The following OC90 variants were observed in gnomAD, a reference collection of about 807,000 sequenced individuals.
OC90 encodes otoconin 90.
OC90 carries 46 observed loss-of-function variants against 47.3 expected under a neutral mutation model. The ratio of observed to expected loss-of-function variants is 0.97; its 90% CI spans 0.77 to 1.24. The LOEUF (loss-of-function observed/expected upper bound fraction) is 1.24. Among genes scored for constraint, OC90 ranks in the 50% most tolerant of loss-of-function variants. The probability of loss-of-function intolerance (pLI) is 0.00; values close to 1 mark genes in which losing one functional copy is unlikely to be tolerated. For missense variants in OC90, 688 were observed against 583.9 expected (o/e 1.18, Z -1.84); for synonymous variants, 271 against 219.5 (o/e 1.23, Z -2.07).
intron 4 of OC90, among the ~76,000 whole-genome samples, chr8:132,043,093 G>T (rs1351791339): frequency 6.6e-6 from 1 of 152,226 alleles, no homozygotes; most frequent in South Asian, 2.1e-4. Flanking sequence ...TTAGTTCACT[G>T]AATGGATCCC....
chr8:132,025,276 G>C (rs1247443142), intron 13 of OC90, among the ~76,000 whole-genome samples: 2 of 152,212 alleles, frequency 1.3e-5, no homozygotes, highest in African/African-American at 4.8e-5. Context: ...AAGGCAGCTG[G>C]CAACAGAGAT....
intron 8 of OC90, among the ~76,000 whole-genome samples, chr8:132,037,799 C>G (rs870715): frequency 6.6e-6 from 1 of 152,158 alleles, no homozygotes; most frequent in African/African-American, 2.4e-5. Flanking sequence ...GAGGAGACCT[C>G]TGTTCCAAAG....
At chr8:132,039,172 C>T (rs531020891) in intron 6 of OC90, 49 bp from the exon 7 acceptor site, 43 of 1,554,626 alleles carry the variant, frequency 2.8e-5, no homozygotes, top group Middle Eastern at 1.7e-4. Context: ...AGCTGGAATC[C>T]CAAGAGGTAA....
intron 10 of OC90, among the ~76,000 whole-genome samples, chr8:132,033,808 C>A (rs111444078): frequency 1.3e-5 from 2 of 152,260 alleles, no homozygotes; most frequent in South Asian, 4.1e-4. Context: ...CATGCACAGG[C>A]CAAATCTCCA....
intron 10 of OC90, 79 bp from the exon 11 acceptor site, chr8:132,033,243 A>G: frequency 7.3e-7 from 1 of 1,373,272 alleles, no homozygotes; most frequent in East Asian, 2.4e-5. Flanking sequence ...CGAAAGCCAA[A>G]TGCAAACAGA....
intron 9 of OC90, chr8:132,036,293 G>A: frequency 2.6e-6 from 2 of 776,594 alleles, no homozygotes; most frequent in Non-Finnish European, 4.8e-6. Context: ...TCACAGGACT[G>A]AGCACAGATT....
At chr8:132,039,210 C>T in intron 6 of OC90, 87 bp from the exon 7 acceptor site, 6 of 1,415,628 alleles carry the variant, frequency 4.2e-6, no homozygotes, top group Admixed American at 2.0e-5. Context: ...AGTTCCTCAT[C>T]TCCCCTGCCA....
chr8:132,039,304 C>T (rs2102103), intron 6 of OC90, among the ~76,000 whole-genome samples, 181 bp from the exon 7 acceptor site: 53,082 of 151,856 alleles, frequency 0.35, 9,948 homozygotes, highest in East Asian at 0.51. Flanking sequence ...GAGGTCCATA[C>T]CCACTCCTCT....
intron 12 of OC90, 129 bp downstream of exon 12, chr8:132,031,752 C>A: frequency 1.4e-6 from 1 of 706,640 alleles, no homozygotes; most frequent in Admixed American, 2.7e-5. Context: ...CCTGAGTGAG[C>A]TGCTGTGTGC....
chr8:132,051,827 A>T (rs538985360), intron 2 of OC90, among the ~76,000 whole-genome samples: 2 of 152,344 alleles, frequency 1.3e-5, no homozygotes, highest in African/African-American at 4.8e-5. Flanking sequence ...GACCCAAGTT[A>T]CAGCAAGACA....
chr8:132,036,515 A>G, intron 9 of OC90: 2 of 766,986 alleles, frequency 2.6e-6, no homozygotes. Context: ...GTAAGAGAGG[A>G]GGCTTAGGGT....
intron 10 of OC90, among the ~76,000 whole-genome samples, chr8:132,034,078 C>A (rs1822917711): frequency 6.6e-6 from 1 of 152,164 alleles, no homozygotes; most frequent in Non-Finnish European, 1.5e-5. Flanking sequence ...GTTCTCCAAT[C>A]CCACAAATAG....
intron 9 of OC90, among the ~76,000 whole-genome samples, chr8:132,035,823 G>T (rs1000376542): frequency 6.6e-6 from 1 of 152,162 alleles, no homozygotes; most frequent in South Asian, 2.1e-4. Context: ...TGTAAAATGA[G>T]GATAGGCCTC....
At chr8:132,028,563 A>AAAGAAAGAAAGGAAGGAAGG (rs1354516292) in intron 13 of OC90, among the ~76,000 whole-genome samples, 152 of 31,144 alleles carry the variant, frequency 4.9e-3, no homozygotes, top group South Asian at 0.012. Flanking sequence ...AGAAAGAAAG[A>AAAGAAAGAAAGGAAGGAAGG]AAGGAAGGAA....
At position 132,034,604 on chromosome 8, in the gene OC90, C is replaced by T. The variant is rs183497335; in HGVS notation, c.733+177G>A. Among the ~76,000 whole-genome samples, 145 of 152,350 alleles carry T rather than the reference C, an allele frequency of 9.5e-4. 1 individual carries two copies. In the Middle Eastern group the frequency reaches 0.014, roughly 14 times the overall value. The stretch of plus-strand genomic sequence containing the variant: ...CAGGGTGTTTGGTGTTAATCACCCT[C>T]CCTGGACCAGCTGCCACATTTGGGG... On this transcript the variant is annotated intron_variant, in intron 10 of 13. Transcript: ENST00000254627.
At chr8:132,052,251 G>T (rs1262850702) in intron 2 of OC90, among the ~76,000 whole-genome samples, 1 of 152,206 alleles carries the variant, frequency 6.6e-6, no homozygotes, top group Non-Finnish European at 1.5e-5. Context: ...CAGGGAGGTA[G>T]ACTTGTGACT....
intron 8 of OC90, among the ~76,000 whole-genome samples, chr8:132,037,830 A>G (rs991009197): frequency 3.3e-5 from 5 of 152,210 alleles, no homozygotes; most frequent in Admixed American, 2.6e-4. Flanking sequence ...GGTGTTGAGG[A>G]TAAAAACAGT....
chr8:132,032,020 T>C lies in OC90; in HGVS notation c.892A>G (p.Ser298Gly), dbSNP rs758858452. 1 of 1,613,956 alleles carries C rather than the reference T, an allele frequency of 6.2e-7. No homozygotes were observed. Among genetic ancestry groups the C allele is most frequent in the South Asian group, 1.1e-5 (1 of 91,080 alleles). The change falls in exon 12 of 14, where the codon AGT becomes GGT. Residue 298 changes from serine to glycine, a missense_variant. By Grantham distance (56) the Ser-to-Gly change is moderately conservative. Coordinates refer to ENST00000254627, the MANE Select transcript of OC90 (RefSeq NM_001080399.3). ...CDRFTFLHLG[S>G]GDNMQVMPQL... ...GGCATCACCTGCATGTTGTCCCCAC[T>C]TCCCAGGTGCAGGAAGGTGAATCTG...
rs115408255 is a variant in OC90 at position 132,056,960 on chromosome 8, T to C, written c.-47-1887A>G. Reference sequence around the variant, plus strand: ...CCAAGCTCCTGTTTTACAGATGAGATCATTGAGGTTTAGAGCCTGGCAAAT... The same window carrying C: ...CCAAGCTCCTGTTTTACAGATGAGACCATTGAGGTTTAGAGCCTGGCAAAT... On this transcript the variant is annotated intron_variant, in intron 1 of 13. Transcript: ENST00000254627. Among the ~76,000 whole-genome samples, 829 of 152,280 alleles carry C rather than the reference T, an allele frequency of 5.4e-3. 9 individuals carry two copies. Among genetic ancestry groups the C allele is most frequent in the African/African-American group, 0.018 (764 of 41,538 alleles).
Sources: gnomAD v4.1 joint callset for allele counts (sites outside exome capture counted in the v4.1 genomes callset) on GRCh38, gnomAD v4.1.1 for gene constraint, MANE v1.5 for transcripts, NCBI Gene and HGNC (gene_info 2026-07-23, HGNC 2026-07-21) for gene names.